Variants in DIS3L2 observed in about 807,000 individuals in gnomAD.
The protein encoded by DIS3L2 is DIS3-like exonuclease 2.
In DIS3L2, 34 loss-of-function variants were observed where a neutral mutation model predicts 97.5. The observed-to-expected ratio is 0.35, with a 90% confidence interval of 0.27 to 0.46. The LOEUF (loss-of-function observed/expected upper bound fraction) is 0.46, where lower values mean the gene tolerates loss of function less well. Among genes scored for constraint, DIS3L2 ranks in the 20% least tolerant of loss-of-function variants. The probability of loss-of-function intolerance (pLI) is 1.00; values close to 1 mark genes in which losing one functional copy is unlikely to be tolerated. For synonymous variants in DIS3L2, 435 were observed against 445.2 expected, an observed-to-expected ratio of 0.98 and a Z score of 0.29; for missense variants, 1,038 against 1,146.0, an observed-to-expected ratio of 0.91 and a Z score of 1.36.
intron 16 of DIS3L2, among the ~76,000 whole-genome samples, chr2:232,333,127 A>ACCACCACCTCCTCCTT (rs1405282834): frequency 6.9e-5 from 10 of 145,926 alleles, no homozygotes; most frequent in South Asian, 2.2e-4. Flanking sequence ...CTCCTCGACC[A>ACCACCACCTCCTCCTT]CCACCACCTC....
chr2:232,131,771 C>A (rs919238763), intron 7 of DIS3L2: 7 of 151,968 alleles, frequency 4.6e-5, no homozygotes, highest in African/African-American at 1.7e-4. Context: ...TGCATACTGA[C>A]ATGAGGAATT....
chr2:232,148,748 CTTTTTTTTTTTT>C (rs34837114), intron 8 of DIS3L2, among the ~76,000 whole-genome samples: 1 of 98,900 alleles, frequency 1.0e-5, no homozygotes, highest in East Asian at 2.9e-4. Flanking sequence ...AATTTTCTTT[CTTTTTTTTTTTT>C]TTTTTTTTTT....
In DIS3L2 at chr2:232,330,720, A is replaced by G. The variant is rs1553550922; in HGVS notation, c.1954A>G (p.Lys652Glu). The G allele has an allele frequency of 1.9e-5, 31 of 1,613,904 alleles. No individual in the cohort carries two copies. The highest frequency in any genetic ancestry group is 2.5e-5 in the Non-Finnish European group (30 of 1,180,022). ...KSLTQTFGDD[K>E]YSLARKEVLT... ...CCTGACCCAAACATTTGGAGATGAC[A>G]AGTACTCACTGGCCCGCAAGGAGGT... Residue 652 changes from lysine (K) to glutamate (E), a missense_variant, in exon 16 of 21, where the codon AAG (lysine) becomes GAG (glutamate). Lys to Glu is a moderately conservative substitution (Grantham distance 56). Around this residue, in one of 3 missense-constraint regions of DIS3L2, gnomAD observed 813 missense variants for 880.1 expected, o/e 0.92. Coordinates refer to ENST00000325385, the MANE Select transcript of DIS3L2 (RefSeq NM_152383.5).
At chr2:232,126,866 C>T (rs962797026) in intron 6 of DIS3L2, among the ~76,000 whole-genome samples, 1 of 152,138 alleles carries the variant, frequency 6.6e-6, no homozygotes, top group Non-Finnish European at 1.5e-5. Flanking sequence ...TTTTACTGGG[C>T]CTTTACCATG....
intron 10 of DIS3L2, among the ~76,000 whole-genome samples, chr2:232,217,911 C>T (rs756756583): frequency 1.3e-5 from 2 of 152,192 alleles, no homozygotes; most frequent in African/African-American, 4.8e-5. Flanking sequence ...GGGCAAAAAG[C>T]GTTTGATCTC....
chr2:232,033,296 G>A (rs974116322), intron 5 of DIS3L2, among the ~76,000 whole-genome samples: 2 of 152,138 alleles, frequency 1.3e-5, no homozygotes, highest in Admixed American at 6.5e-5. Flanking sequence ...GTATAGGAAC[G>A]CTTGTGATTT....
At chr2:232,172,718 A>G (rs572122272) in intron 9 of DIS3L2, 1 of 534,582 alleles carries the variant, frequency 1.9e-6, no homozygotes, top group South Asian at 1.4e-5. Flanking sequence ...TTTTCAAAGT[A>G]GCTGTACCAT....
chr2:232,244,630 T>G (rs1693198082), intron 11 of DIS3L2, among the ~76,000 whole-genome samples: 1 of 152,048 alleles, frequency 6.6e-6, no homozygotes, highest in Admixed American at 6.5e-5. Flanking sequence ...ACATGTAAAG[T>G]GAGTGGGCCT....
chr2:232,116,924 C>T (rs2342293), intron 6 of DIS3L2, among the ~76,000 whole-genome samples: 120,322 of 152,142 alleles, frequency 0.79, 48,189 homozygotes, highest in African/African-American at 0.9. Context: ...TGGAACCAGC[C>T]GTCCACGCTT....
rs1208676802 is a variant in DIS3L2, at chr2:232,133,195, G to T, written c.702+2476G>T. On this transcript the variant is annotated intron_variant, in intron 7 of 20. Coordinates refer to ENST00000325385, the MANE Select transcript of DIS3L2 (RefSeq NM_152383.5). ...ATGGGAAGCCTCTTTGTCCTTGCAGGCTGGAGATCCCCATTCCATACTTAG... is the reference window on the plus strand; with the variant it reads ...ATGGGAAGCCTCTTTGTCCTTGCAGTCTGGAGATCCCCATTCCATACTTAG... Among the ~76,000 whole-genome samples the T allele has an allele frequency of 2.6e-5, 4 of 152,164 alleles. 1 individual carries two copies. Among genetic ancestry groups the T allele is most frequent in the South Asian group, 4.1e-4 (2 of 4,826 alleles).
Position 231,974,433 on chromosome 2 carries a change from T to C in DIS3L2, c.-94+12668T>C, listed in dbSNP as rs542058579. 2.3e-3 allele frequency among the ~76,000 whole-genome samples: 348 copies of C among 152,230 alleles called. 2 individuals carry two copies. Among genetic ancestry groups the C allele is most frequent in the African/African-American group, 8.2e-3 (341 of 41,552 alleles). ...TTTGGATAATTTCTCTTGCTACATC[T>C]TGAAGTTCCTAATTTTTTTTTTCTG... On this transcript the variant is annotated intron_variant, in intron 1 of 20. Coordinates refer to ENST00000325385, the MANE Select transcript of DIS3L2 (RefSeq NM_152383.5).
chr2:232,193,787 C>G (rs1245014547), intron 9 of DIS3L2, among the ~76,000 whole-genome samples: 1 of 152,160 alleles, frequency 6.6e-6, no homozygotes, highest in Non-Finnish European at 1.5e-5. Flanking sequence ...ACATTCATGG[C>G]TCTACTAGCC....
chr2:232,031,131 A>T (rs1297229701), intron 5 of DIS3L2, among the ~76,000 whole-genome samples: 1 of 152,186 alleles, frequency 6.6e-6, no homozygotes, highest in Non-Finnish European at 1.5e-5. Flanking sequence ...TTTGTCATGA[A>T]AATTAAATGA....
intron 1 of DIS3L2, among the ~76,000 whole-genome samples, chr2:231,987,150 G>A (rs73995036): frequency 0.063 from 9,564 of 152,232 alleles, 1,114 homozygotes; most frequent in East Asian, 0.5. Flanking sequence ...TTTCTTCCAG[G>A]ACATTCTTCA....
At chr2:232,330,400 A>G (rs565445134) in intron 15 of DIS3L2, among the ~76,000 whole-genome samples, 1 of 152,302 alleles carries the variant, frequency 6.6e-6, no homozygotes, top group East Asian at 1.9e-4. Context: ...GTGGTCCTGG[A>G]GGAGGGAGAC....
intron 9 of DIS3L2, among the ~76,000 whole-genome samples, chr2:232,201,175 C>T (rs1188457136): frequency 6.6e-6 from 1 of 152,218 alleles, no homozygotes; most frequent in Non-Finnish European, 1.5e-5. Flanking sequence ...TTAACATACA[C>T]AGTTCTAGCT....
intron 8 of DIS3L2, among the ~76,000 whole-genome samples, chr2:232,162,697 C>A (rs1690689076): frequency 6.6e-6 from 1 of 152,190 alleles, no homozygotes; most frequent in African/African-American, 2.4e-5. Context: ...CAAAGGCAGC[C>A]AAGGCCCATA....
chr2:232,006,664 G>T (rs1694060758), intron 1 of DIS3L2, among the ~76,000 whole-genome samples: 1 of 152,184 alleles, frequency 6.6e-6, no homozygotes, highest in African/African-American at 2.4e-5. Flanking sequence ...CTTTAAAAGA[G>T]AAGTGAGATG....
chr2:232,126,284 T>C (rs1239104956), intron 6 of DIS3L2, among the ~76,000 whole-genome samples: 1 of 152,250 alleles, frequency 6.6e-6, no homozygotes, highest in Non-Finnish European at 1.5e-5. Flanking sequence ...TGGGCCTGTA[T>C]GTTAGAAAGT....
Sources: allele counts gnomAD v4.1 joint callset (sites outside exome capture counted in the v4.1 genomes callset), GRCh38; gene constraint gnomAD v4.1.1; regional missense constraint gnomAD v4.1.1; transcripts MANE v1.5; gene names NCBI Gene and HGNC (gene_info 2026-07-23, HGNC 2026-07-21).